Variants in TNFRSF11A observed in about 807,000 individuals in gnomAD.
TNFRSF11A encodes tumor necrosis factor receptor superfamily member 11A.
A neutral mutation model predicts 55.7 loss-of-function variants in TNFRSF11A; 32 were observed. The ratio of observed to expected loss-of-function variants is 0.57; its 90% CI spans 0.43 to 0.77. The LOEUF (loss-of-function observed/expected upper bound fraction) is 0.77. TNFRSF11A is among the 30% of genes least tolerant of loss of function. TNFRSF11A has a pLI of 0.00. For missense variants in TNFRSF11A, 753 were observed against 809.8 expected, an observed-to-expected ratio of 0.93 and a Z score of 0.85; for synonymous variants, 311 against 331.0, an observed-to-expected ratio of 0.94 and a Z score of 0.65.
In TNFRSF11A at chr18:62,369,334, G is replaced by A. The variant is rs777022699; in HGVS notation, c.1417G>A (p.Ala473Thr). 30 of 1,609,498 alleles carry A rather than the reference G, an allele frequency of 1.9e-5. No homozygotes were observed. The highest frequency in any genetic ancestry group is 1.6e-4 in the Middle Eastern group (1 of 6,064). ...AAAACGTGGACCCTTGCCCCAGTGCGCCTATGGCATGGGCCTTCCCCCTGA... is the reference window on the plus strand; with the variant it reads ...AAAACGTGGACCCTTGCCCCAGTGCACCTATGGCATGGGCCTTCCCCCTGA... ...SPKRGPLPQC[A>T]YGMGLPPEEE... Residue 473 changes from alanine (A) to threonine (T), a missense_variant, in exon 9 of 10, where the codon GCC becomes ACC. Physicochemically the swap from Ala to Thr is moderately conservative, Grantham distance 58 (BLOSUM62 0). Transcript: ENST00000586569.
chr18:62,350,915 G>A (rs928748788), intron 3 of TNFRSF11A, among the ~76,000 whole-genome samples: 11 of 151,850 alleles, frequency 7.2e-5, no homozygotes, highest in East Asian at 3.9e-4. Flanking sequence ...TTAGTCCTGT[G>A]GAGATTGCAC....
chr18:62,372,183 A>G (rs536738243), intron 9 of TNFRSF11A, among the ~76,000 whole-genome samples: 107 of 152,286 alleles, frequency 7.0e-4, no homozygotes, highest in African/African-American at 2.6e-3. Flanking sequence ...AAGGAGAATG[A>G]TTAGCAAAGA....
rs146599935 is a variant in TNFRSF11A at position 62,384,774 on chromosome 18, T to C, written c.1591T>C (p.Ser531Pro). 10 of 1,612,526 alleles carry C rather than the reference T, an allele frequency of 6.2e-6. No homozygotes were observed. In the Admixed American group the frequency reaches 1.5e-4, roughly 24 times the overall value. Residue 531 changes from serine to proline, a missense_variant, in exon 10 of 10, where the codon TCC becomes CCC. This residue lies in a region of TNFRSF11A where 567 missense variants were observed against 596.7 expected (regional missense o/e 0.95). Transcript: ENST00000586569. ...ASGNVTGNSN[S>P]TFISSGQVMN... Reference sequence around the variant, plus strand: ...AGGAAATGTGACTGGAAACAGTAACTCCACGTTCATCTCCAGCGGGCAGGT... The same window carrying C: ...AGGAAATGTGACTGGAAACAGTAACCCCACGTTCATCTCCAGCGGGCAGGT...
chr18:62,328,938 G>A (rs956143571), intron 1 of TNFRSF11A, among the ~76,000 whole-genome samples: 1 of 152,148 alleles, frequency 6.6e-6, no homozygotes, highest in Non-Finnish European at 1.5e-5. Flanking sequence ...CAGGAAAACT[G>A]AAACAATAAA....
chr18:62,372,444 A>G (rs969030749), intron 9 of TNFRSF11A, among the ~76,000 whole-genome samples: 2 of 149,454 alleles, frequency 1.3e-5, no homozygotes, highest in African/African-American at 4.9e-5. Flanking sequence ...TCGTTAGTCT[A>G]TCACTTCTGA....
chr18:62,354,428 G>A lies in TNFRSF11A; in HGVS notation c.321G>A (p.Thr107=), dbSNP rs772863037. 299 of 1,595,164 alleles carry A rather than the reference G, an allele frequency of 1.9e-4. 1 individual carries two copies. The highest frequency in any genetic ancestry group is 2.3e-4 in the Non-Finnish European group (268 of 1,176,532). The part of the protein sequence containing the change: ...ALVAVVAGNS[T]TPRRCACTAG... Reference sequence around the variant, plus strand: ...TGGCCGTGGTCGCCGGCAACAGCACGACCCCCCGGCGCTGCGCGTGCACGG... The same window carrying A: ...TGGCCGTGGTCGCCGGCAACAGCACAACCCCCCGGCGCTGCGCGTGCACGG... The change falls in exon 4 of 10, where the codon ACG becomes ACA. Residue 107 remains threonine, a synonymous_variant. Transcript: ENST00000586569.
Position 62,349,840 on chromosome 18 carries a change from T to C in TNFRSF11A, c.186T>C (p.Thr62=), listed in dbSNP as rs2046439524. 6.2e-7 allele frequency: 1 copy of C among 1,614,054 alleles called. No individual in the cohort carries two copies. The highest frequency in any genetic ancestry group is 8.5e-7 in the Non-Finnish European group (1 of 1,179,998). The change falls in exon 3 of 10, where the codon ACT becomes ACC. Residue 62 remains threonine, a synonymous_variant. Coordinates refer to ENST00000586569, the MANE Select transcript of TNFRSF11A (RefSeq NM_003839.4). ...PGKYMSSKCT[T]TSDSVCLPCG... The stretch of plus-strand genomic sequence containing the variant: ...AGTACATGTCTTCTAAATGCACTAC[T>C]ACCTCTGACAGTGTATGTCTGCCCT...
intron 3 of TNFRSF11A, among the ~76,000 whole-genome samples, chr18:62,354,189 AC>A (rs948412289): frequency 6.6e-6 from 1 of 151,968 alleles, no homozygotes; most frequent in Non-Finnish European, 1.5e-5. Flanking sequence ...AGAGAGAAGA[AC>A]CCCCCCGTGA....
rs926955082 is a variant in TNFRSF11A at position 62,325,521 on chromosome 18, C to T, written c.75+94C>T. On this transcript the variant is annotated intron_variant, in intron 1 of 9. Coordinates refer to ENST00000586569, the MANE Select transcript of TNFRSF11A (RefSeq NM_003839.4). This position sits in a 1 kb window ranked among gnomAD's most constrained non-coding sequence, Gnocchi z 4.7. ...GGCCGGCGGCATCCTGGCTCCTCCGCCTTCCGAGAGGAGCCGGAGTTTTGG... is the reference window on the plus strand; with the variant it reads ...GGCCGGCGGCATCCTGGCTCCTCCGTCTTCCGAGAGGAGCCGGAGTTTTGG... The T allele has an allele frequency of 1.2e-5, 10 of 831,562 alleles. No homozygotes were observed. In the Admixed American group the frequency reaches 1.6e-4, roughly 14 times the overall value. The allele number at this position is 831,562 out of a possible 1,614,324, so 51.5% of individuals were successfully genotyped here. A position where few individuals can be genotyped will look rare whatever the true frequency, so the allele number is the denominator to read the frequency against.
At chr18:62,370,198 A>T (rs1179486237) in intron 9 of TNFRSF11A, among the ~76,000 whole-genome samples, 1 of 152,152 alleles carries the variant, frequency 6.6e-6, no homozygotes, top group Non-Finnish European at 1.5e-5. Flanking sequence ...TTTTCCCATG[A>T]GGGTAAAACA....
chr18:62,327,319 C>T (rs934592956), intron 1 of TNFRSF11A, among the ~76,000 whole-genome samples: 1 of 152,122 alleles, frequency 6.6e-6, no homozygotes, highest in Non-Finnish European at 1.5e-5. Context: ...AACCTCTGCC[C>T]GTGGCCACTA....
At chr18:62,375,591 C>T (rs1488044832) in intron 9 of TNFRSF11A, among the ~76,000 whole-genome samples, 3 of 152,196 alleles carry the variant, frequency 2.0e-5, no homozygotes, top group Non-Finnish European at 4.4e-5. Flanking sequence ...AGACGTTAGT[C>T]ACTGGGTGCT....
At chr18:62,366,640 C>A in intron 7 of TNFRSF11A, 68 bp from the exon 8 acceptor site, 10 of 1,508,402 alleles carry the variant, frequency 6.6e-6, no homozygotes, top group Non-Finnish European at 8.3e-6. Context: ...ACATAATAAC[C>A]TTTATTTAAA....
rs775410414 is a variant in TNFRSF11A at position 62,368,770 on chromosome 18, G to A, written c.853G>A (p.Val285Ile). ...NFGQQGACEGVLLLTLEEKTF... is the reference protein window; with the variant it reads ...NFGQQGACEGILLLTLEEKTF... ...TGGTCAGCAGGGAGCATGTGAAGGT[G>A]TCTTACTGCTGACTCTGGAGGAGAA... Residue 285 changes from valine to isoleucine, a missense_variant, in exon 9 of 10, where the codon GTC becomes ATC. Transcript: ENST00000586569. 1 of 1,614,238 alleles carries A rather than the reference G, an allele frequency of 6.2e-7. No homozygotes were observed. The highest frequency in any genetic ancestry group is 1.1e-5 in the South Asian group (1 of 91,084).
intron 2 of TNFRSF11A, 146 bp from the exon 3 acceptor site, chr18:62,349,666 A>C (rs1033427147): frequency 3.3e-6 from 3 of 916,452 alleles, no homozygotes; most frequent in Non-Finnish European, 5.2e-6. Context: ...CCTGTGTCAT[A>C]TTGTCTTTGG....
At chr18:62,358,605 T>C (rs1909444385) in intron 5 of TNFRSF11A, among the ~76,000 whole-genome samples, 1 of 152,244 alleles carries the variant, frequency 6.6e-6, no homozygotes, top group Non-Finnish European at 1.5e-5. Context: ...TTTCTAACCT[T>C]GTTTGGTTGA....
chr18:62,367,855 G>A (rs568742048), intron 8 of TNFRSF11A, among the ~76,000 whole-genome samples: 37 of 132,286 alleles, frequency 2.8e-4, no homozygotes, highest in African/African-American at 8.6e-4. Context: ...GTGCAATGGC[G>A]CAATCTCGGC....
rs150090627 is a variant in TNFRSF11A, at chr18:62,332,890, A to C, written c.75+7463A>C. On this transcript the variant is annotated intron_variant, in intron 1 of 9. Transcript: ENST00000586569. ...GCTGAGATCTGATGGGGAAGGTCGG[A>C]TGTCCCATTCTTCGTTCCCACGGAG... Among the ~76,000 whole-genome samples, 621 of 152,316 alleles carry C rather than the reference A, an allele frequency of 4.1e-3. 4 individuals are homozygous for C. The highest frequency in any genetic ancestry group is 0.014 in the African/African-American group (598 of 41,574).
intron 1 of TNFRSF11A, among the ~76,000 whole-genome samples, chr18:62,338,474 A>G (rs2046265669): frequency 6.6e-6 from 1 of 152,240 alleles, no homozygotes; most frequent in South Asian, 2.1e-4. Context: ...GTGGTGGAAT[A>G]TTATCCAGCC....
Sources: gnomAD v4.1 joint callset for allele counts (sites outside exome capture counted in the v4.1 genomes callset) on GRCh38, gnomAD v4.1.1 for gene constraint, gnomAD v4.1.1 regional missense constraint, Gnocchi (gnomAD v3.1) non-coding constraint, MANE v1.5 for transcripts, NCBI Gene and HGNC (gene_info 2026-07-23, HGNC 2026-07-21) for gene names.